Variants in PIK3R6 observed in about 807,000 individuals in gnomAD.
PIK3R6 encodes the protein phosphoinositide-3-kinase regulatory subunit 6.
A neutral mutation model predicts 84.9 loss-of-function variants in PIK3R6; 91 were observed. That is an observed-to-expected ratio of 1.07 (90% CI 0.90 to 1.28). The LOEUF (loss-of-function observed/expected upper bound fraction) is 1.28. Among genes scored for constraint, PIK3R6 ranks in the 50% most tolerant of loss-of-function variants. The pLI is 0.00. For missense variants in PIK3R6, 996 were observed against 985.1 expected (o/e 1.01, Z -0.15); for synonymous variants, 416 against 411.4 (o/e 1.01, Z -0.13).
chr17:8,858,075 G>A (rs920706473), intron 1 of PIK3R6, among the ~76,000 whole-genome samples: 5 of 152,092 alleles, frequency 3.3e-5, no homozygotes, highest in African/African-American at 1.2e-4. Flanking sequence ...CCTCCCACAG[G>A]AGACCTTTGT....
Position 8,828,991 on chromosome 17 carries a change from C to A in PIK3R6, c.890-1G>T. ...CGGAGGAAGAGCACCAGTTCCTTCCCTGGGGTGGGGGAACAAGGGCGGTGA... is the reference window on the plus strand; with the variant it reads ...CGGAGGAAGAGCACCAGTTCCTTCCATGGGGTGGGGGAACAAGGGCGGTGA... On this transcript the variant is annotated splice_acceptor_variant, in intron 10 of 19. Coordinates refer to ENST00000619866, the MANE Select transcript of PIK3R6 (RefSeq NM_001010855.4). LOFTEE classifies it high-confidence loss of function. 2 of 1,494,886 alleles carry A rather than the reference C, an allele frequency of 1.3e-6. No individual in the cohort carries two copies. Among genetic ancestry groups the A allele is most frequent in the South Asian group, 1.4e-5 (1 of 72,798 alleles). The allele number at this position is 1,494,886 out of a possible 1,614,324, so 92.6% of individuals were successfully genotyped here. A position where few individuals can be genotyped will look rare whatever the true frequency, so the allele number is the denominator to read the frequency against.
At position 8,829,731 on chromosome 17, in the gene PIK3R6, G is replaced by C; in HGVS notation, c.864C>G (p.His288Gln). The C allele has an allele frequency of 6.4e-7, 1 of 1,553,570 alleles. No homozygotes were observed. Among genetic ancestry groups the C allele is most frequent in the South Asian group, 1.2e-5 (1 of 84,118 alleles). The part of the protein sequence containing the change: ...IPLPSPYITF[H>Q]LWTGEEQLWK... ...AGAGCTGCTCCTCACCGGTCCACAA[G>C]TGGAAGGTGATGTAGGGGCTGGGCA... is the stretch of plus-strand genomic sequence containing the variant. The change falls in exon 10 of 20, where the codon CAC (histidine) becomes CAG (glutamine). Residue 288 changes from histidine (H) to glutamine (Q), a missense_variant. By Grantham distance (24) the His-to-Gln change is conservative. Coordinates refer to ENST00000619866, the MANE Select transcript of PIK3R6 (RefSeq NM_001010855.4).
Position 8,839,526 on chromosome 17 carries a change from CG to C in PIK3R6, c.97+87del. 9.3e-7 allele frequency: 1 copy of C among 1,072,108 alleles called. No homozygotes were observed. Among genetic ancestry groups the C allele is most frequent in the East Asian group, 2.8e-5 (1 of 35,524 alleles). The allele number at this position is 1,072,108 out of a possible 1,614,324, so 66.4% of individuals were successfully genotyped here. The stretch of plus-strand genomic sequence containing the variant: ...GACCCTTGCCCCCTGAGCTCCAGGC[CG>C]GGGCTCTTTCCTGTATGCGCGTGTA... On this transcript the variant is annotated intron_variant, in intron 3 of 19. Coordinates refer to ENST00000619866, the MANE Select transcript of PIK3R6 (RefSeq NM_001010855.4). This position sits in a 1 kb window ranked among gnomAD's most constrained non-coding sequence, Gnocchi z 4.2.
chr17:8,815,512 A>G (rs2087504934), intron 18 of PIK3R6, among the ~76,000 whole-genome samples: 1 of 152,166 alleles, frequency 6.6e-6, no homozygotes, highest in African/African-American at 2.4e-5. Flanking sequence ...CTCAGAAAAA[A>G]AAAAAAAAGG....
At position 8,803,432 on chromosome 17, in the gene PIK3R6, G is replaced by C; in HGVS notation, c.2109-3C>G. ...CTGGGCAGGGAGCAACCTCGAATCT[G>C]TGGGTGGAGAGAGACCAGCTCAGGT... On this transcript the variant is annotated splice_polypyrimidine_tract_variant and splice_region_variant and intron_variant, in intron 19 of 19. Coordinates refer to ENST00000619866, the MANE Select transcript of PIK3R6 (RefSeq NM_001010855.4). The surrounding 1 kb of genome is among the most constrained non-coding windows in gnomAD (Gnocchi z 5.0). 1.3e-6 allele frequency: 2 copies of C among 1,598,844 alleles called. No homozygotes were observed. Among genetic ancestry groups the C allele is most frequent in the Non-Finnish European group, 1.7e-6 (2 of 1,172,972 alleles).
chr17:8,809,363 C>T (rs952828972), intron 18 of PIK3R6, among the ~76,000 whole-genome samples: 1 of 152,148 alleles, frequency 6.6e-6, no homozygotes, highest in African/African-American at 2.4e-5. Flanking sequence ...AAGTATAAAA[C>T]ATGTAGGTCT....
At position 8,862,231 on chromosome 17, in the gene PIK3R6, G is replaced by A. The variant is rs1315622588; in HGVS notation, c.-92+5298C>T. ...TCACTAAAATATAAGCTCCCCATGGGAAGGGGCTCCATTTTGCTCACTGTT... is the reference window on the plus strand; with the variant it reads ...TCACTAAAATATAAGCTCCCCATGGAAAGGGGCTCCATTTTGCTCACTGTT... On this transcript the variant is annotated intron_variant, in intron 1 of 19. Coordinates refer to ENST00000619866, the MANE Select transcript of PIK3R6 (RefSeq NM_001010855.4). The surrounding 1 kb of genome is among the most constrained non-coding windows in gnomAD (Gnocchi z 4.3). Among the ~76,000 whole-genome samples, 1 of 152,164 alleles carries A rather than the reference G, an allele frequency of 6.6e-6. No homozygotes were observed.
chr17:8,849,411 G>A (rs564699255), intron 2 of PIK3R6, among the ~76,000 whole-genome samples: 8 of 152,320 alleles, frequency 5.3e-5, no homozygotes, highest in African/African-American at 1.9e-4. Context: ...AATAATACCT[G>A]TCTTAGGAGG....
In PIK3R6 at chr17:8,864,318, G is replaced by A. The variant is rs149401526; in HGVS notation, c.-92+3211C>T. 1.2e-3 allele frequency among the ~76,000 whole-genome samples: 183 copies of A among 152,010 alleles called. 1 individual carries two copies. Among genetic ancestry groups the A allele is most frequent in the African/African-American group, 3.8e-3 (159 of 41,472 alleles). ...AGTCCATTTGGATTGGGCTCCTTGC[G>A]GCGCCCCTAGGACTTAGGGGAAAGG... On this transcript the variant is annotated intron_variant, in intron 1 of 19. Transcript: ENST00000619866.
At chr17:8,829,589 C>T (rs936216244) in intron 10 of PIK3R6, 117 bp downstream of exon 10, 1 of 1,067,194 alleles carries the variant, frequency 9.4e-7, no homozygotes, top group Non-Finnish European at 1.4e-6. Context: ...CACACTGACA[C>T]ACACTCATGC....
At position 8,842,913 on chromosome 17, in the gene PIK3R6, A is replaced by G. The variant is rs1414049287; in HGVS notation, c.14-3216T>C. Among the ~76,000 whole-genome samples the G allele has an allele frequency of 6.6e-6, 1 of 152,236 alleles. No individual in the cohort carries two copies. Among genetic ancestry groups the G allele is most frequent in the East Asian group, 1.9e-4 (1 of 5,202 alleles). On this transcript the variant is annotated intron_variant, in intron 2 of 19. Transcript: ENST00000619866. This position sits in a 1 kb window ranked among gnomAD's most constrained non-coding sequence, Gnocchi z 4.5. ...TTAAAAATCAGCAGATTGCAGTCCA[A>G]GAGTTAAAATATTTTTAGGCCAAGT...
chr17:8,819,019 G>A (rs879452551), intron 18 of PIK3R6, 64 bp downstream of exon 18: 149 of 1,283,588 alleles, frequency 1.2e-4, no homozygotes, highest in Non-Finnish European at 1.5e-4. Context: ...TCCCCTCTGG[G>A]CTCCCAGCCA....
chr17:8,819,687 TATACACAC>T (rs1188340604), intron 17 of PIK3R6, among the ~76,000 whole-genome samples: 1,976 of 140,842 alleles, frequency 0.014, 41 homozygotes, highest in African/African-American at 0.048. Flanking sequence ...TATATATATA[TATACACAC>T]ACACACACAC....
chr17:8,837,951 G>T (rs761475744), intron 4 of PIK3R6, 80 bp from the exon 5 acceptor site: 5 of 1,272,136 alleles, frequency 3.9e-6, no homozygotes, highest in Non-Finnish European at 4.6e-6. Flanking sequence ...TAGGCTGGGA[G>T]TGGGCAGGAG....
At chr17:8,851,491 C>T (rs1311671255) in intron 1 of PIK3R6, among the ~76,000 whole-genome samples, 2 of 152,048 alleles carry the variant, frequency 1.3e-5, no homozygotes, top group African/African-American at 2.4e-5. Context: ...AGTGAGACTC[C>T]GTCCCAAAAC....
In PIK3R6 at chr17:8,828,118, C is replaced by G; in HGVS notation, c.1386G>C (p.Ala462=). 1 of 1,613,862 alleles carries G rather than the reference C, an allele frequency of 6.2e-7. No homozygotes were observed. The highest frequency in any genetic ancestry group is 8.5e-7 in the Non-Finnish European group (1 of 1,179,830). Residue 462 remains alanine, a synonymous_variant, in exon 12 of 20, where the codon GCG becomes GCC. Transcript: ENST00000619866. ...CTCCCCGCGGTCCAGTCACCTCAGG[C>G]GCCAGCACGGGGATGTAGTAGAGCT... ...SLQLYYIPVL[A]PEKPAASRQP...
chr17:8,833,189 C>T (rs1045140492), intron 8 of PIK3R6, 144 bp from the exon 9 acceptor site: 1 of 1,209,800 alleles, frequency 8.3e-7, no homozygotes, highest in Non-Finnish European at 1.1e-6. Flanking sequence ...CCCCCGAAGG[C>T]TTCTGGATCC....
chr17:8,823,467 C>T lies in PIK3R6; in HGVS notation c.1546G>A (p.Asp516Asn). The change falls in exon 14 of 20, where the codon GAC becomes AAC. Residue 516 changes from aspartate to asparagine, a missense_variant. Coordinates refer to ENST00000619866, the MANE Select transcript of PIK3R6 (RefSeq NM_001010855.4). ...GTGATGACGTCTAGGATGAAGGGGT[C>T]CACAGTCCGGGATGTGTCCAGGGAA... ...PPSLDTSRTVDPFILDVITYY... is the reference protein window; with the variant it reads ...PPSLDTSRTVNPFILDVITYY... The T allele has an allele frequency of 1.2e-6, 2 of 1,612,536 alleles. No individual in the cohort carries two copies. Among genetic ancestry groups the T allele is most frequent in the South Asian group, 2.2e-5 (2 of 90,954 alleles).
In PIK3R6 at chr17:8,811,305, A is replaced by G. The variant is rs2087351737; in HGVS notation, c.1996-7152T>C. ...TACCCTGGGCCCAGCCCATGAAACC[A>G]TTTTTTCCTCCTAGGTCTCAGGGTC... On this transcript the variant is annotated intron_variant, in intron 18 of 19. Coordinates refer to ENST00000619866, the MANE Select transcript of PIK3R6 (RefSeq NM_001010855.4). Among the ~76,000 whole-genome samples, 2 of 148,088 alleles carry G rather than the reference A, an allele frequency of 1.4e-5. 1 individual carries two copies. The highest frequency in any genetic ancestry group is 4.5e-4 in the East Asian group (2 of 4,450).
Sources: allele counts gnomAD v4.1 joint callset (sites outside exome capture counted in the v4.1 genomes callset), GRCh38; gene constraint gnomAD v4.1.1; non-coding constraint Gnocchi (gnomAD v3.1); transcripts MANE v1.5; gene names NCBI Gene and HGNC (gene_info 2026-07-23, HGNC 2026-07-21).